The following DTL variants were observed in gnomAD, a reference collection of about 807,000 sequenced individuals.
The protein encoded by DTL is denticleless protein homolog.
In DTL, 46 loss-of-function variants were observed where a neutral mutation model predicts 87.0. That is an observed-to-expected ratio of 0.53 (90% CI 0.42 to 0.68). DTL has a LOEUF of 0.68. DTL is among the 30% of genes least tolerant of loss of function. The probability of loss-of-function intolerance (pLI) is 0.00; values close to 1 mark genes in which losing one functional copy is unlikely to be tolerated. For missense variants in DTL, 737 were observed against 869.4 expected, an observed-to-expected ratio of 0.85 and a Z score of 1.91; for synonymous variants, 308 against 311.2, an observed-to-expected ratio of 0.99 and a Z score of 0.11.
At chr1:212,069,214 T>C (rs918600292) in intron 10 of DTL, among the ~76,000 whole-genome samples, 1 of 151,954 alleles carries the variant, frequency 6.6e-6, no homozygotes, top group African/African-American at 2.4e-5. Context: ...AACTAATAAA[T>C]AAATGATAGT....
At chr1:212,059,633 A>T in intron 5 of DTL, among the ~76,000 whole-genome samples, 2 of 152,246 alleles carry the variant, frequency 1.3e-5, no homozygotes, top group South Asian at 4.2e-4. Context: ...CACGCTTTTC[A>T]CCACTCCTAT....
At chr1:212,085,822 C>A (rs1173942346) in intron 13 of DTL, among the ~76,000 whole-genome samples, 1 of 152,150 alleles carries the variant, frequency 6.6e-6, no homozygotes, top group East Asian at 1.9e-4. Flanking sequence ...GTTAGGCATT[C>A]AAATTTTTTA....
chr1:212,038,645 CCTT>C (rs1400943435), intron 1 of DTL, among the ~76,000 whole-genome samples: 2 of 152,134 alleles, frequency 1.3e-5, no homozygotes, highest in African/African-American at 4.8e-5. Context: ...GGCCCTAATG[CCTT>C]CTTGTCTGGA....
chr1:212,076,771 G>A (rs1293851783), intron 11 of DTL, among the ~76,000 whole-genome samples: 2 of 152,152 alleles, frequency 1.3e-5, no homozygotes, highest in Non-Finnish European at 2.9e-5. Context: ...AGTTAGAGAC[G>A]ATCTTCAAAG....
At chr1:212,057,753 A>G (rs919549045) in intron 5 of DTL, among the ~76,000 whole-genome samples, 1 of 152,204 alleles carries the variant, frequency 6.6e-6, no homozygotes, top group Non-Finnish European at 1.5e-5. Flanking sequence ...CGTTGAATGT[A>G]AACATGTTAA....
rs115368139 is a variant in DTL, at chr1:212,094,242, T to C, written c.1262-6010T>C. Among the ~76,000 whole-genome samples, 525 of 152,312 alleles carry C rather than the reference T, an allele frequency of 3.4e-3. 5 individuals carry two copies. Among genetic ancestry groups the C allele is most frequent in the African/African-American group, 0.012 (491 of 41,552 alleles). Reference sequence around the variant, plus strand: ...AGTTTTTATGGTTTCAGGTCTTAGATGTAAGTCTTTGGTCCATCTGGAGTT... The same window carrying C: ...AGTTTTTATGGTTTCAGGTCTTAGACGTAAGTCTTTGGTCCATCTGGAGTT... On this transcript the variant is annotated intron_variant, in intron 13 of 14. Transcript: ENST00000366991.
At chr1:212,044,886 G>T (rs1163201361) in intron 3 of DTL, 128 bp downstream of exon 3, 1 of 603,612 alleles carries the variant, frequency 1.7e-6, no homozygotes, top group Non-Finnish European at 2.9e-6. Context: ...CTGAGACTGG[G>T]TAGTTTATAT....
chr1:212,059,478 C>T (rs1023399332), intron 5 of DTL, among the ~76,000 whole-genome samples: 6 of 150,702 alleles, frequency 4.0e-5, no homozygotes, highest in African/African-American at 1.2e-4. Context: ...GCATCTCCTC[C>T]GAATTAAAAA....
chr1:212,097,675 C>A (rs145135586), intron 13 of DTL, among the ~76,000 whole-genome samples: 42 of 152,058 alleles, frequency 2.8e-4, no homozygotes, highest in African/African-American at 9.4e-4. Flanking sequence ...TTCTCTGGTG[C>A]TTCCTTGAGT....
chr1:212,075,163 G>C (rs1654792920), intron 11 of DTL, among the ~76,000 whole-genome samples: 2 of 152,076 alleles, frequency 1.3e-5, no homozygotes, highest in South Asian at 4.1e-4. Context: ...TTTCCAACTG[G>C]GCAGAGAAGA....
intron 1 of DTL, among the ~76,000 whole-genome samples, chr1:212,040,783 T>G (rs1373928762): frequency 1.3e-5 from 2 of 152,250 alleles, no homozygotes; most frequent in Non-Finnish European, 2.9e-5. Context: ...GCACTGCTAC[T>G]CTGGACACAG....
At chr1:212,041,162 G>A (rs1667629761) in intron 1 of DTL, among the ~76,000 whole-genome samples, 1 of 152,182 alleles carries the variant, frequency 6.6e-6, no homozygotes, top group Admixed American at 6.5e-5. Context: ...GTAGCTTAGG[G>A]TGGTTCATCA....
chr1:212,046,883 T>C (rs890380950), intron 3 of DTL, among the ~76,000 whole-genome samples: 8 of 152,236 alleles, frequency 5.3e-5, no homozygotes, highest in African/African-American at 1.7e-4. Context: ...TCCACAACGG[T>C]TGAATTAATT....
At chr1:212,078,499 T>C (rs756157348) in intron 12 of DTL, among the ~76,000 whole-genome samples, 1 of 152,152 alleles carries the variant, frequency 6.6e-6, no homozygotes, top group African/African-American at 2.4e-5. Context: ...CCTACAGTTA[T>C]TTCTTTCCTA....
chr1:212,072,127 T>C lies in DTL; in HGVS notation c.949T>C (p.Ser317Pro), dbSNP rs762537119. 4 of 1,614,102 alleles carry C rather than the reference T, an allele frequency of 2.5e-6. No homozygotes were observed. The East Asian group carries it at 8.9e-5, about 36-fold the overall frequency. ...PVAIFNGHQN[S>P]TFYVKSSLSP... ...GGCTATTTTCAATGGACACCAGAAC[T>C]CTACCTTTTATGTAAAATCCAGCCT... The change falls in exon 11 of 15, where the codon TCT (serine) becomes CCT (proline). Residue 317 changes from serine (S) to proline (P), a missense_variant. Physicochemically the swap from Ser to Pro is moderately conservative, Grantham distance 74. Transcript: ENST00000366991.
chr1:212,062,893 G>T lies in DTL; in HGVS notation c.470G>T (p.Cys157Phe). 1 of 1,613,262 alleles carries T rather than the reference G, an allele frequency of 6.2e-7. No homozygotes were observed. Among genetic ancestry groups the T allele is most frequent in the Non-Finnish European group, 8.5e-7 (1 of 1,179,296 alleles). The change falls in exon 6 of 15, where the codon TGT (cysteine) becomes TTT (phenylalanine). Residue 157 changes from cysteine (C) to phenylalanine (F), a missense_variant. Transcript: ENST00000366991. ...AFSKFEKAVF[C>F]TGGRDGNIMV... ...GTTTATTTCCCCACAGCTGTATTCT[G>T]TACGGGTGGAAGAGATGGCAACATT...
rs569591116 is a variant in DTL, at chr1:212,102,904, G to C, written c.2157G>C (p.Glu719Asp). The C allele has an allele frequency of 1.9e-6, 3 of 1,611,544 alleles. No individual in the cohort carries two copies. Residue 719 changes from glutamate (E) to aspartate (D), a missense_variant, in exon 15 of 15, where the codon GAG becomes GAC. Glu to Asp is a conservative substitution (Grantham distance 45). Coordinates refer to ENST00000366991, the MANE Select transcript of DTL (RefSeq NM_016448.4). ...CATACTTCCATAGAAAGTCCCAGGA[G>C]GACTTCTGTGGTCCTGAACACTCAA... ...ICTYFHRKSQ[E>D]DFCGPEHSTE...
chr1:212,040,149 ATATTCT>A (rs1558068699), intron 1 of DTL, among the ~76,000 whole-genome samples: 5 of 152,196 alleles, frequency 3.3e-5, no homozygotes, highest in Admixed American at 6.5e-5. Flanking sequence ...TTATTTCTTC[ATATTCT>A]TATTCTATAA....
intron 12 of DTL, among the ~76,000 whole-genome samples, chr1:212,079,696 G>T (rs1044613830): frequency 6.6e-6 from 1 of 152,160 alleles, no homozygotes; most frequent in African/African-American, 2.4e-5. Context: ...CAGACACATA[G>T]TAGGTGCTCT....
Sources: allele counts gnomAD v4.1 joint callset (sites outside exome capture counted in the v4.1 genomes callset), GRCh38; gene constraint gnomAD v4.1.1; transcripts MANE v1.5; gene names NCBI Gene and HGNC (gene_info 2026-07-23, HGNC 2026-07-21).